The following MAN1A1 variants were observed in gnomAD, a reference collection of about 807,000 sequenced individuals.
The protein encoded by MAN1A1 is mannosidase alpha class 1A member 1.
Under a neutral mutation model 70.8 loss-of-function variants are expected in MAN1A1, and 29 were observed. The ratio of observed to expected loss-of-function variants is 0.41; its 90% CI spans 0.31 to 0.56. The LOEUF is 0.56. Ranked by LOEUF, MAN1A1 falls within the 20% of genes least tolerant of loss-of-function variation. The pLI, the probability that MAN1A1 is intolerant of heterozygous loss-of-function variation, is 0.29. For synonymous variants in MAN1A1, 349 were observed against 330.1 expected (o/e 1.06, Z -0.62); for missense variants, 747 against 841.3 (o/e 0.89, Z 1.39).
intron 2 of MAN1A1, among the ~76,000 whole-genome samples, chr6:119,328,448 TG>T (rs1484926156): frequency 6.6e-6 from 1 of 152,238 alleles, no homozygotes; most frequent in Non-Finnish European, 1.5e-5. Context: ...TGTTAATAAG[TG>T]GCAAAGCCAC....
At chr6:119,234,749 A>G (rs1427840217) in intron 6 of MAN1A1, among the ~76,000 whole-genome samples, 1 of 152,126 alleles carries the variant, frequency 6.6e-6, no homozygotes, top group Non-Finnish European at 1.5e-5. Context: ...ATACATTTAA[A>G]AAATTTACAT....
At chr6:119,188,951 A>C (rs1039739488) in intron 10 of MAN1A1, among the ~76,000 whole-genome samples, 8 of 152,224 alleles carry the variant, frequency 5.3e-5, no homozygotes, top group Admixed American at 5.2e-4. Context: ...TCTGATCTGC[A>C]GTTGTGGAAC....
At chr6:119,315,460 A>C (rs1245171159) in intron 2 of MAN1A1, among the ~76,000 whole-genome samples, 3 of 152,214 alleles carry the variant, frequency 2.0e-5, no homozygotes, top group Admixed American at 1.3e-4. Context: ...TCGTTCTCCT[A>C]AGGAAAACCC....
chr6:119,191,407 T>C (rs1463696776), intron 9 of MAN1A1, among the ~76,000 whole-genome samples: 2 of 147,662 alleles, frequency 1.4e-5, no homozygotes, highest in Non-Finnish European at 3.0e-5. Context: ...TGCTACCTCC[T>C]AATAAAAACT....
At position 119,348,992 on chromosome 6, in the gene MAN1A1, C is replaced by T; in HGVS notation, c.74G>A (p.Gly25Asp). The change falls in exon 2 of 13, where the codon GGC becomes GAC. Residue 25 changes from glycine (G) to aspartate (D), a missense_variant. Around this residue, in one of 2 missense-constraint regions of MAN1A1, gnomAD observed 328 missense variants for 293.1 expected, o/e 1.12. Transcript: ENST00000368468. The stretch of plus-strand genomic sequence containing the variant: ...GGGGCCCGACCCCTTCCTGCCACCG[C>T]CGCCGCCGAGCCCCCCGCCCAGGAC... Reference protein sequence around the residue: ...GGVLGGGLGGGGGRKGSGPAA... With the variant: ...GGVLGGGLGGDGGRKGSGPAA... 6.9e-7 allele frequency: 1 copy of T among 1,441,530 alleles called. No individual in the cohort carries two copies. Among genetic ancestry groups the T allele is most frequent in the Non-Finnish European group, 9.1e-7 (1 of 1,094,442 alleles). The allele number at this position is 1,441,530 out of a possible 1,614,324, so 89.3% of individuals were successfully genotyped here.
intron 2 of MAN1A1, among the ~76,000 whole-genome samples, chr6:119,315,419 T>C (rs1472070458): frequency 6.6e-6 from 1 of 152,200 alleles, no homozygotes; most frequent in Non-Finnish European, 1.5e-5. Context: ...CTACTTGTAA[T>C]GGACAGATTG....
intron 6 of MAN1A1, among the ~76,000 whole-genome samples, chr6:119,238,889 T>A (rs988826458): frequency 2.0e-5 from 3 of 152,002 alleles, no homozygotes; most frequent in African/African-American, 7.2e-5. Flanking sequence ...GGGTCTATTA[T>A]TATTATTATT....
chr6:119,228,326 G>A (rs535451762), intron 6 of MAN1A1, among the ~76,000 whole-genome samples: 1 of 152,230 alleles, frequency 6.6e-6, no homozygotes, highest in East Asian at 1.9e-4. Context: ...CCGAAGCTTT[G>A]GGTAACACAA....
intron 2 of MAN1A1, among the ~76,000 whole-genome samples, chr6:119,325,169 A>C (rs1327933275): frequency 6.6e-6 from 1 of 152,210 alleles, no homozygotes; most frequent in Non-Finnish European, 1.5e-5. Context: ...AGTTGGGCCT[A>C]TATTTACCTT....
chr6:119,251,826 C>T (rs1371192824), intron 5 of MAN1A1, among the ~76,000 whole-genome samples: 1 of 152,220 alleles, frequency 6.6e-6, no homozygotes, highest in Non-Finnish European at 1.5e-5. Flanking sequence ...TATTAATATT[C>T]TCAGTTAACA....
chr6:119,297,334 G>C (rs1052654941), intron 4 of MAN1A1, among the ~76,000 whole-genome samples: 1 of 152,156 alleles, frequency 6.6e-6, no homozygotes, highest in African/African-American at 2.4e-5. Context: ...AGCACAGACT[G>C]TCAGGAAGTA....
Position 119,179,772 on chromosome 6 carries a change from G to A in MAN1A1, c.*47C>T. The A allele has an allele frequency of 1.3e-6, 2 of 1,545,546 alleles. No homozygotes were observed. The highest frequency in any genetic ancestry group is 8.9e-7 in the Non-Finnish European group (1 of 1,122,198). ...TGATTACCAGAAAAGGAATTATTAAGGTATACAGTGAAGGGAATGGAGCAG... is the reference window on the plus strand; with the variant it reads ...TGATTACCAGAAAAGGAATTATTAAAGTATACAGTGAAGGGAATGGAGCAG... On this transcript the variant is annotated 3_prime_UTR_variant, in exon 13 of 13. Coordinates refer to ENST00000368468, the MANE Select transcript of MAN1A1 (RefSeq NM_005907.4).
chr6:119,249,229 G>A (rs1305766121), intron 5 of MAN1A1, among the ~76,000 whole-genome samples: 1 of 152,130 alleles, frequency 6.6e-6, no homozygotes, highest in East Asian at 1.9e-4. Flanking sequence ...GACAAAAAGG[G>A]GATACTGGTA....
At chr6:119,218,104 A>G (rs1231288305) in intron 6 of MAN1A1, among the ~76,000 whole-genome samples, 1 of 152,228 alleles carries the variant, frequency 6.6e-6, no homozygotes, top group Admixed American at 6.5e-5. Flanking sequence ...ATGGTTTTAG[A>G]AAGAGCTTTT....
intron 6 of MAN1A1, among the ~76,000 whole-genome samples, chr6:119,224,984 G>A (rs781025047): frequency 2.0e-5 from 3 of 151,816 alleles, no homozygotes; most frequent in African/African-American, 7.3e-5. Flanking sequence ...AAAATTAGCC[G>A]GGCATGGTGG....
chr6:119,333,308 C>A (rs1364035933), intron 2 of MAN1A1, among the ~76,000 whole-genome samples: 5 of 152,156 alleles, frequency 3.3e-5, no homozygotes, highest in African/African-American at 1.2e-4. Context: ...AAAAGGTGAT[C>A]CTTCTGAACA....
intron 6 of MAN1A1, among the ~76,000 whole-genome samples, chr6:119,228,145 G>C (rs972417136): frequency 6.6e-6 from 1 of 152,164 alleles, no homozygotes; most frequent in African/African-American, 2.4e-5. Flanking sequence ...AAGGGATATG[G>C]TTCAGAGAGA....
At chr6:119,284,698 T>C (rs1776314886) in intron 5 of MAN1A1, among the ~76,000 whole-genome samples, 1 of 152,174 alleles carries the variant, frequency 6.6e-6, no homozygotes, top group African/African-American at 2.4e-5. Context: ...GCTTATACTG[T>C]AGTTGTTAAG....
At chr6:119,291,884 A>G (rs921338068) in intron 4 of MAN1A1, among the ~76,000 whole-genome samples, 3 of 152,056 alleles carry the variant, frequency 2.0e-5, no homozygotes, top group African/African-American at 7.2e-5. Context: ...TCCTGTGCTA[A>G]TGTCTTTATA....
Sources: gnomAD v4.1 joint callset for allele counts (sites outside exome capture counted in the v4.1 genomes callset) on GRCh38, gnomAD v4.1.1 for gene constraint, gnomAD v4.1.1 regional missense constraint, MANE v1.5 for transcripts, NCBI Gene and HGNC (gene_info 2026-07-23, HGNC 2026-07-21) for gene names.